Variants in AGPAT4 observed in about 807,000 individuals in gnomAD.
AGPAT4 encodes 1-acylglycerol-3-phosphate O-acyltransferase 4.
Under a neutral mutation model 48.0 loss-of-function variants are expected in AGPAT4, and 15 were observed. The observed-to-expected ratio is 0.31, with a 90% CI of 0.21 to 0.48. The LOEUF (loss-of-function observed/expected upper bound fraction) is 0.48. Ranked by LOEUF, AGPAT4 falls within the 20% of genes least tolerant of loss-of-function variation. The pLI is 0.99. For synonymous variants in AGPAT4, 178 were observed against 198.7 expected, an observed-to-expected ratio of 0.90 and a Z score of 0.88; for missense variants, 314 against 482.5, an observed-to-expected ratio of 0.65 and a Z score of 3.27.
Position 161,255,644 on chromosome 6 carries a change from C to T in AGPAT4, c.-90+18294G>A, listed in dbSNP as rs750384698. Among the ~76,000 whole-genome samples, 2 of 151,620 alleles carry T rather than the reference C, an allele frequency of 1.3e-5. No homozygotes were observed. The highest frequency in any genetic ancestry group is 2.9e-5 in the Non-Finnish European group (2 of 67,946). ...ACAAAACACCACATATGGTACGATT[C>T]GGTTTATATGAAAGGTTCGGACTAG... On this transcript the variant is annotated intron_variant, in intron 1 of 8. Transcript: ENST00000320285. The surrounding 1 kb of genome is among the most constrained non-coding windows in gnomAD (Gnocchi z 4.7).
Position 161,148,860 on chromosome 6 carries a change from A to G in AGPAT4, c.767+327T>C, listed in dbSNP as rs1779511565. ...AAATACACATCTGTGTGTATTCCATACAGCAGACCCATCGCCCACGAAAAG... is the reference window on the plus strand; with the variant it reads ...AAATACACATCTGTGTGTATTCCATGCAGCAGACCCATCGCCCACGAAAAG... On this transcript the variant is annotated intron_variant, in intron 6 of 8. Transcript: ENST00000320285. The surrounding 1 kb of genome is among the most constrained non-coding windows in gnomAD (Gnocchi z 5.5). Among the ~76,000 whole-genome samples, 1 of 152,206 alleles carries G rather than the reference A, an allele frequency of 6.6e-6. No individual in the cohort carries two copies. Among genetic ancestry groups the G allele is most frequent in the African/African-American group, 2.4e-5 (1 of 41,462 alleles).
intron 2 of AGPAT4, among the ~76,000 whole-genome samples, chr6:161,174,246 A>G (rs1780362910): frequency 6.6e-6 from 1 of 152,126 alleles, no homozygotes; most frequent in Admixed American, 6.5e-5. Flanking sequence ...CAGTATGGCC[A>G]TTTTCACGAT....
chr6:161,205,694 T>TGAAGGGAAATCAATCTAA (rs11269660), intron 2 of AGPAT4, among the ~76,000 whole-genome samples: 1 of 151,704 alleles, frequency 6.6e-6, no homozygotes, highest in African/African-American at 2.4e-5. Flanking sequence ...AACACCAAGT[T>TGAAGGGAAATCAATCTAA]GAAACAGATC....
Position 161,196,941 on chromosome 6 carries a change from G to C in AGPAT4, c.179-30524C>G, listed in dbSNP as rs1781086138. On this transcript the variant is annotated intron_variant, in intron 2 of 8. Coordinates refer to ENST00000320285, the MANE Select transcript of AGPAT4 (RefSeq NM_020133.3). The surrounding 1 kb of genome is among the most constrained non-coding windows in gnomAD (Gnocchi z 4.3). Reference sequence around the variant, plus strand: ...CATTTGGGCACTTACTGGGTGCCCGGAACTGCTCCAGGCACTGGGGAAGTC... The same window carrying C: ...CATTTGGGCACTTACTGGGTGCCCGCAACTGCTCCAGGCACTGGGGAAGTC... Among the ~76,000 whole-genome samples, 1 of 152,104 alleles carries C rather than the reference G, an allele frequency of 6.6e-6. No individual in the cohort carries two copies. The highest frequency in any genetic ancestry group is 1.5e-5 in the Non-Finnish European group (1 of 68,032).
intron 3 of AGPAT4, among the ~76,000 whole-genome samples, chr6:161,156,621 C>T (rs536990390): frequency 2.6e-5 from 4 of 152,338 alleles, no homozygotes; most frequent in East Asian, 1.9e-4. Context: ...AGAAAAACAA[C>T]AGTAGTTGTT....
At chr6:161,271,814 C>T (rs938886943) in intron 1 of AGPAT4, among the ~76,000 whole-genome samples, 1 of 152,184 alleles carries the variant, frequency 6.6e-6, no homozygotes, top group East Asian at 1.9e-4. Context: ...GAACCGACAT[C>T]GCAGACTTTG....
rs532746492 is a variant in AGPAT4 at position 161,258,930 on chromosome 6, G to C, written c.-90+15008C>G. ...TCATGCCTCAGCCTCCCAAGTAGCTGGGATTACAGGCGCCCGCCACCAGGC... is the reference window on the plus strand; with the variant it reads ...TCATGCCTCAGCCTCCCAAGTAGCTCGGATTACAGGCGCCCGCCACCAGGC... On this transcript the variant is annotated intron_variant, in intron 1 of 8. Transcript: ENST00000320285. Among the ~76,000 whole-genome samples the C allele has an allele frequency of 2.0e-5, 3 of 151,952 alleles. No homozygotes were observed. The East Asian group carries it at 5.8e-4, about 29-fold the overall frequency.
In AGPAT4 at chr6:161,233,355, T is replaced by C. The variant is rs948262430; in HGVS notation, c.-89-1053A>G. Reference sequence around the variant, plus strand: ...AAGCTGTGAGCAGCGGACTCGCTTTTCCTGGAAGCAGAAGAGCCTGGCAGA... The same window carrying C: ...AAGCTGTGAGCAGCGGACTCGCTTTCCCTGGAAGCAGAAGAGCCTGGCAGA... On this transcript the variant is annotated intron_variant, in intron 1 of 8. Coordinates refer to ENST00000320285, the MANE Select transcript of AGPAT4 (RefSeq NM_020133.3). The surrounding 1 kb of genome is among the most constrained non-coding windows in gnomAD (Gnocchi z 5.4). Among the ~76,000 whole-genome samples, 2 of 152,228 alleles carry C rather than the reference T, an allele frequency of 1.3e-5. No homozygotes were observed. Among genetic ancestry groups the C allele is most frequent in the African/African-American group, 4.8e-5 (2 of 41,454 alleles).
intron 1 of AGPAT4, among the ~76,000 whole-genome samples, chr6:161,258,320 T>A (rs1224888719): frequency 6.6e-6 from 1 of 152,176 alleles, no homozygotes; most frequent in Non-Finnish European, 1.5e-5. Context: ...CCTTTCCCAT[T>A]TGAAAACAAA....
rs1375516696 is a variant in AGPAT4, at chr6:161,148,054, A to C, written c.767+1133T>G. Among the ~76,000 whole-genome samples the C allele has an allele frequency of 6.6e-6, 1 of 152,202 alleles. No individual in the cohort carries two copies. The highest frequency in any genetic ancestry group is 2.4e-5 in the African/African-American group (1 of 41,462). ...GAGTTGCAGCTACCTGAGAGGTGAA[A>C]TAATCTTGTACACATCTTGGGGTTT... On this transcript the variant is annotated intron_variant, in intron 6 of 8. Coordinates refer to ENST00000320285, the MANE Select transcript of AGPAT4 (RefSeq NM_020133.3). The surrounding 1 kb of genome is among the most constrained non-coding windows in gnomAD (Gnocchi z 5.5).
rs1173210012 is a variant in AGPAT4, at chr6:161,144,989, A to T, written c.843+1535T>A. On this transcript the variant is annotated intron_variant, in intron 7 of 8. Transcript: ENST00000320285. The surrounding 1 kb of genome is among the most constrained non-coding windows in gnomAD (Gnocchi z 6.6). Reference sequence around the variant, plus strand: ...GAGTGAAACTCAGTCTCAAAAAAAAAAAATAAAAAAAGTAACATTTTATAT... The same window carrying T: ...GAGTGAAACTCAGTCTCAAAAAAAATAAATAAAAAAAGTAACATTTTATAT... Among the ~76,000 whole-genome samples the T allele has an allele frequency of 6.6e-6, 1 of 151,646 alleles. No homozygotes were observed. Among genetic ancestry groups the T allele is most frequent in the East Asian group, 1.9e-4 (1 of 5,184 alleles).
chr6:161,208,258 A>T lies in AGPAT4; in HGVS notation c.178+23778T>A, dbSNP rs77693191. Among the ~76,000 whole-genome samples, 114 of 152,316 alleles carry T rather than the reference A, an allele frequency of 7.5e-4. 2 individuals are homozygous for T. The South Asian group carries it at 0.015, about 20-fold the overall frequency. On this transcript the variant is annotated intron_variant, in intron 2 of 8. Coordinates refer to ENST00000320285, the MANE Select transcript of AGPAT4 (RefSeq NM_020133.3). This position sits in a 1 kb window ranked among gnomAD's most constrained non-coding sequence, Gnocchi z 4.6. Reference sequence around the variant, plus strand: ...AAGACAAGCACTGTTACTAAAAGTAAGCTACTCAGTATTCAGAGACTCTCT... The same window carrying T: ...AAGACAAGCACTGTTACTAAAAGTATGCTACTCAGTATTCAGAGACTCTCT...
chr6:161,165,252 A>C lies in AGPAT4; in HGVS notation c.348+996T>G, dbSNP rs1026792676. On this transcript the variant is annotated intron_variant, in intron 3 of 8. Transcript: ENST00000320285. This position sits in a 1 kb window ranked among gnomAD's most constrained non-coding sequence, Gnocchi z 5.5. ...ACACACAAGAAGATATCAAGTTAGCACTGGGAGAATAAATAGGAAAACAAA... is the reference window on the plus strand; with the variant it reads ...ACACACAAGAAGATATCAAGTTAGCCCTGGGAGAATAAATAGGAAAACAAA... 5.3e-5 allele frequency among the ~76,000 whole-genome samples: 8 copies of C among 152,214 alleles called. No homozygotes were observed. The highest frequency in any genetic ancestry group is 1.0e-4 in the Non-Finnish European group (7 of 68,032).
At chr6:161,211,606 T>C (rs1781524404) in intron 2 of AGPAT4, among the ~76,000 whole-genome samples, 2 of 152,188 alleles carry the variant, frequency 1.3e-5, no homozygotes, top group African/African-American at 4.8e-5. Flanking sequence ...GAACAGTCTG[T>C]GTAAGTCATA....
At chr6:161,268,463 C>A (rs1783329499) in intron 1 of AGPAT4, among the ~76,000 whole-genome samples, 1 of 152,162 alleles carries the variant, frequency 6.6e-6, no homozygotes, top group African/African-American at 2.4e-5. Flanking sequence ...CTCCCCTCAC[C>A]CCACTCTCCA....
In AGPAT4 at chr6:161,144,246, G is replaced by C. The variant is rs764608921; in HGVS notation, c.843+2278C>G. On this transcript the variant is annotated intron_variant, in intron 7 of 8. Coordinates refer to ENST00000320285, the MANE Select transcript of AGPAT4 (RefSeq NM_020133.3). The surrounding 1 kb of genome is among the most constrained non-coding windows in gnomAD (Gnocchi z 6.6). ...TGCTCACAGACACATACTGCTTAGA[G>C]AACTCGGTGTCGCCCCAGCCCTGCA... 20 of 518,680 alleles carry C rather than the reference G, an allele frequency of 3.9e-5. No homozygotes were observed. Among genetic ancestry groups the C allele is most frequent in the South Asian group, 2.6e-4 (18 of 69,238 alleles). The allele number at this position is 518,680 out of a possible 1,614,324, so 32.1% of individuals were successfully genotyped here.
chr6:161,153,623 C>T (rs1230106520), intron 4 of AGPAT4, 124 bp from the exon 5 acceptor site: 6 of 1,208,934 alleles, frequency 5.0e-6, no homozygotes, highest in African/African-American at 1.5e-5. Flanking sequence ...ACACAGGGCC[C>T]CATGGTTACA....
At chr6:161,172,211 A>C (rs1401766511) in intron 2 of AGPAT4, among the ~76,000 whole-genome samples, 2 of 152,232 alleles carry the variant, frequency 1.3e-5, no homozygotes, top group Admixed American at 6.5e-5. Flanking sequence ...AATGACCTGC[A>C]CTAAGAGGAA....
At chr6:161,172,034 G>GA (rs1280383123) in intron 2 of AGPAT4, among the ~76,000 whole-genome samples, 1 of 152,106 alleles carries the variant, frequency 6.6e-6, no homozygotes, top group African/African-American at 2.4e-5. Context: ...TAAACAACCA[G>GA]AAAAAGCAAC....
Sources: allele counts gnomAD v4.1 joint callset (sites outside exome capture counted in the v4.1 genomes callset), GRCh38; gene constraint gnomAD v4.1.1; non-coding constraint Gnocchi (gnomAD v3.1); transcripts MANE v1.5; gene names NCBI Gene and HGNC (gene_info 2026-07-23, HGNC 2026-07-21).